HMGA2: variants seen among roughly 807,000 people sequenced by gnomAD.
HMGA2 encodes high mobility group AT-hook 2.
HMGA2 carries 8 observed loss-of-function variants against 19.1 expected under a neutral mutation model. The ratio of observed to expected loss-of-function variants is 0.42; its 90% CI spans 0.25 to 0.76. The LOEUF is 0.76. Among genes scored for constraint, HMGA2 ranks in the 30% least tolerant of loss-of-function variants. The pLI, the probability that HMGA2 is intolerant of heterozygous loss-of-function variation, is 0.28. For synonymous variants in HMGA2, 60 were observed against 48.8 expected, an observed-to-expected ratio of 1.23 and a Z score of -0.96; for missense variants, 109 against 136.3, an observed-to-expected ratio of 0.80 and a Z score of 1.00.
chr12:65,950,914 G>A (rs1876434702), intron 3 of HMGA2, among the ~76,000 whole-genome samples: 1 of 152,066 alleles, frequency 6.6e-6, no homozygotes, highest in Admixed American at 6.5e-5. Flanking sequence ...CCTTAATATA[G>A]AGAGATCATG....
chr12:65,917,215 G>C (rs1323699355), intron 3 of HMGA2, among the ~76,000 whole-genome samples: 1 of 152,124 alleles, frequency 6.6e-6, no homozygotes, highest in East Asian at 1.9e-4. Context: ...TTAAAAGAAG[G>C]AAGAAAAAGC....
chr12:65,945,397 T>C (rs1876231180), intron 3 of HMGA2, among the ~76,000 whole-genome samples: 1 of 152,128 alleles, frequency 6.6e-6, no homozygotes, highest in Admixed American at 6.5e-5. Flanking sequence ...AAAGGCAAAT[T>C]CTTGATAATG....
At chr12:65,955,889 G>C (rs968561505) in intron 4 of HMGA2, 1 of 152,232 alleles carries the variant, frequency 6.6e-6, no homozygotes, top group Non-Finnish European at 1.5e-5. Flanking sequence ...GCAGTTTTAA[G>C]GATGTTTATA....
chr12:65,951,320 C>T lies in HMGA2; in HGVS notation c.250-63C>T, dbSNP rs566906413. The T allele has an allele frequency of 2.5e-5, 25 of 999,558 alleles. No individual in the cohort carries two copies. The South Asian group carries it at 3.8e-4, about 15-fold the overall frequency. The allele number at this position is 999,558 out of a possible 1,614,324, so 61.9% of individuals were successfully genotyped here. ...CAAGTATCTGTATTTAAAATATGTA[C>T]ACCTAATTTTTTCTATAATGTATAT... On this transcript the variant is annotated intron_variant, in intron 3 of 4. Coordinates refer to ENST00000403681, the MANE Select transcript of HMGA2 (RefSeq NM_003483.6).
chr12:65,859,807 T>A lies in HMGA2; in HGVS notation c.249+21238T>A, dbSNP rs117735483. The A allele has an allele frequency of 6.3e-4, 120 of 191,272 alleles. No individual in the cohort carries two copies. In the East Asian group the frequency reaches 0.013, roughly 21 times the overall value. 11.8% of individuals were successfully genotyped at this position (191,272 alleles called of 1,614,324 possible). ...ATCAGTCAAAAATGCATTTAGGCCGTGTGCAGTGGCTTACTCTTGTAGTCC... is the reference window on the plus strand; with the variant it reads ...ATCAGTCAAAAATGCATTTAGGCCGAGTGCAGTGGCTTACTCTTGTAGTCC... On this transcript the variant is annotated intron_variant, in intron 3 of 4. Coordinates refer to ENST00000403681, the MANE Select transcript of HMGA2 (RefSeq NM_003483.6).
chr12:65,846,048 A>T (rs1374813963), intron 3 of HMGA2, among the ~76,000 whole-genome samples: 1 of 152,246 alleles, frequency 6.6e-6, no homozygotes, highest in Non-Finnish European at 1.5e-5. Flanking sequence ...CTTGGTAAGA[A>T]GGAGGCTGAG....
intron 4 of HMGA2, 128 bp downstream of exon 4, chr12:65,951,543 G>A: frequency 1.5e-6 from 1 of 677,758 alleles, no homozygotes; most frequent in East Asian, 2.8e-5. Flanking sequence ...CAGTATTCCT[G>A]AAAATGTGTT....
At chr12:65,883,790 G>A (rs911396591) in intron 3 of HMGA2, among the ~76,000 whole-genome samples, 2 of 152,148 alleles carry the variant, frequency 1.3e-5, no homozygotes, top group African/African-American at 4.8e-5. Flanking sequence ...TGTACCAGTT[G>A]TTATTTTCAT....
chr12:65,898,251 G>A (rs983667913), intron 3 of HMGA2, among the ~76,000 whole-genome samples: 1 of 152,160 alleles, frequency 6.6e-6, no homozygotes, highest in Non-Finnish European at 1.5e-5. Flanking sequence ...AAAGTTTGAG[G>A]AGAGAAAGTC....
rs570487984 is a variant in HMGA2 at position 65,825,302 on chromosome 12, C to A, written c.32C>A (p.Pro11Gln). 9.1e-6 allele frequency: 14 copies of A among 1,535,730 alleles called. No homozygotes were observed. Among genetic ancestry groups the A allele is most frequent in the South Asian group, 4.8e-5 (4 of 83,448 alleles). ...GCACGCGGTGAGGGCGCGGGGCAGCCGTCCACTTCAGCCCAGGGACAACCT... is the reference window on the plus strand; with the variant it reads ...GCACGCGGTGAGGGCGCGGGGCAGCAGTCCACTTCAGCCCAGGGACAACCT... Reference protein sequence around the residue: MSARGEGAGQPSTSAQGQPAA... With the variant: MSARGEGAGQQSTSAQGQPAA... The change falls in exon 1 of 5, where the codon CCG becomes CAG. Residue 11 changes from proline to glutamine, a missense_variant. Pro to Gln is a moderately conservative substitution (Grantham distance 76). Transcript: ENST00000403681. This position sits in a 1 kb window ranked among gnomAD's most constrained non-coding sequence, Gnocchi z 4.4.
At chr12:65,836,762 C>A (rs1870746800) in intron 2 of HMGA2, among the ~76,000 whole-genome samples, 1 of 152,182 alleles carries the variant, frequency 6.6e-6, no homozygotes, top group Admixed American at 6.5e-5. Flanking sequence ...TTTGTGGAGC[C>A]ATTCAAAAGT....
chr12:65,909,243 T>C (rs538363896), intron 3 of HMGA2, among the ~76,000 whole-genome samples: 9 of 152,328 alleles, frequency 5.9e-5, no homozygotes, highest in Middle Eastern at 3.4e-3. Flanking sequence ...AATTGTTTTG[T>C]CTGGCGCCAG....
intron 3 of HMGA2, among the ~76,000 whole-genome samples, chr12:65,849,226 C>T (rs893464648): frequency 2.0e-5 from 3 of 152,182 alleles, no homozygotes; most frequent in African/African-American, 7.2e-5. Flanking sequence ...CTCAGGTAGT[C>T]CAACTTCAGT....
chr12:65,938,988 C>G (rs749473365), intron 3 of HMGA2, among the ~76,000 whole-genome samples: 17 of 152,150 alleles, frequency 1.1e-4, no homozygotes, highest in Non-Finnish European at 2.2e-4. Flanking sequence ...CTAACAAGCA[C>G]TCTTTTATGA....
intron 3 of HMGA2, among the ~76,000 whole-genome samples, chr12:65,888,100 C>A (rs61595033): frequency 1.3e-5 from 2 of 152,124 alleles, no homozygotes; most frequent in East Asian, 1.9e-4. Context: ...CTTTCCATAG[C>A]GGTTTGGGAA....
chr12:65,881,028 G>T (rs1873350658), intron 3 of HMGA2, among the ~76,000 whole-genome samples: 1 of 152,144 alleles, frequency 6.6e-6, no homozygotes, highest in Non-Finnish European at 1.5e-5. Context: ...AAATGCCAGT[G>T]CAGCTTGTTT....
At chr12:65,875,574 C>T (rs1219702285) in intron 3 of HMGA2, among the ~76,000 whole-genome samples, 1 of 129,180 alleles carries the variant, frequency 7.7e-6, no homozygotes, top group Non-Finnish European at 1.6e-5. Context: ...CGGGCATATG[C>T]CACCGTGCCC....
chr12:65,934,315 C>T (rs1332759068), intron 3 of HMGA2, among the ~76,000 whole-genome samples: 2 of 152,162 alleles, frequency 1.3e-5, no homozygotes, highest in Admixed American at 6.5e-5. Flanking sequence ...GACATTTTCC[C>T]ATGCTCACTT....
intron 3 of HMGA2, among the ~76,000 whole-genome samples, chr12:65,871,630 C>T (rs1274323591): frequency 2.6e-5 from 4 of 152,166 alleles, no homozygotes; most frequent in Non-Finnish European, 5.9e-5. Context: ...ACTATATCCC[C>T]TTCCTATGGG....
Sources: allele counts gnomAD v4.1 joint callset (sites outside exome capture counted in the v4.1 genomes callset), GRCh38; gene constraint gnomAD v4.1.1; non-coding constraint Gnocchi (gnomAD v3.1); transcripts MANE v1.5; gene names NCBI Gene and HGNC (gene_info 2026-07-23, HGNC 2026-07-21).